TMX2: variants seen among roughly 807,000 people sequenced by gnomAD.
TMX2 encodes the protein thioredoxin-related transmembrane protein 2.
A neutral mutation model predicts 33.4 loss-of-function variants in TMX2; 20 were observed. The observed-to-expected ratio is 0.60, with a 90% CI of 0.42 to 0.87. TMX2 has a LOEUF of 0.87. Ranked by LOEUF, TMX2 falls within the 40% of genes least tolerant of loss-of-function variation. TMX2 has a pLI of 0.00. For missense variants in TMX2, 340 were observed against 370.7 expected, an observed-to-expected ratio of 0.92 and a Z score of 0.68; for synonymous variants, 166 against 140.7, an observed-to-expected ratio of 1.18 and a Z score of -1.27.
intron 1 of TMX2, among the ~76,000 whole-genome samples, chr11:57,724,135 A>G: frequency 6.6e-6 from 1 of 152,152 alleles, no homozygotes; most frequent in Non-Finnish European, 1.5e-5. Context: ...TTTAAATGCT[A>G]CAGAATTTAA....
At chr11:57,733,338 C>T (rs570490469) in intron 1 of TMX2, among the ~76,000 whole-genome samples, 9 of 149,176 alleles carry the variant, frequency 6.0e-5, no homozygotes, top group East Asian at 4.0e-4. Context: ...TCACTGCAAC[C>T]TCCGCCTCTC....
chr11:57,736,760 C>T (rs768334976), intron 1 of TMX2, among the ~76,000 whole-genome samples: 18 of 151,816 alleles, frequency 1.2e-4, no homozygotes, highest in South Asian at 2.1e-4. Flanking sequence ...CAGTAGTGTG[C>T]GCCTGTAGTC....
At chr11:57,736,408 C>T (rs1385732785) in intron 1 of TMX2, among the ~76,000 whole-genome samples, 4 of 151,852 alleles carry the variant, frequency 2.6e-5, no homozygotes, top group Admixed American at 6.6e-5. Context: ...TGTTGGACCC[C>T]ATTCAAAGCC....
chr11:57,738,944 T>C (rs1219610630), intron 5 of TMX2, 30 bp from the exon 6 acceptor site: 2 of 1,604,524 alleles, frequency 1.2e-6, no homozygotes, highest in East Asian at 2.2e-5. Context: ...TTATTTTTTT[T>C]CAGCATATTA....
chr11:57,739,152 C>T lies in TMX2; in HGVS notation c.636C>T (p.Pro212=). The stretch of plus-strand genomic sequence containing the variant: ...GCAGGTACAAAGTGAGCACATCACC[C>T]CTCACCAAGCAACTCCCTACCCTGA... ...VSTRYKVSTS[P]LTKQLPTLIL... is the part of the protein sequence containing the mutation. Residue 212 remains proline (P), a synonymous_variant, in exon 7 of 8, where the codon CCC becomes CCT. Coordinates refer to ENST00000278422, the MANE Select transcript of TMX2 (RefSeq NM_015959.4). 1 of 1,614,124 alleles carries T rather than the reference C, an allele frequency of 6.2e-7. No individual in the cohort carries two copies.
At chr11:57,722,497 A>G (rs897726624) in intron 1 of TMX2, among the ~76,000 whole-genome samples, 1 of 152,216 alleles carries the variant, frequency 6.6e-6, no homozygotes, top group African/African-American at 2.4e-5. Flanking sequence ...GTTTTTGAAA[A>G]CAGGCAAATA....
intron 1 of TMX2, among the ~76,000 whole-genome samples, chr11:57,720,134 C>CA (rs59914635): frequency 0.24 from 30,586 of 127,388 alleles, 4,029 homozygotes; most frequent in Non-Finnish European, 0.32. Context: ...ACTAAAAATA[C>CA]AAAAAAAAAA....
At chr11:57,720,134 C>CAA (rs59914635) in intron 1 of TMX2, among the ~76,000 whole-genome samples, 170 of 128,096 alleles carry the variant, frequency 1.3e-3, no homozygotes, top group South Asian at 2.7e-3. Flanking sequence ...ACTAAAAATA[C>CAA]AAAAAAAAAA....
chr11:57,726,789 TGCTATACCTATGGAG>T (rs1470460792), intron 1 of TMX2, among the ~76,000 whole-genome samples: 3 of 152,250 alleles, frequency 2.0e-5, no homozygotes, highest in African/African-American at 7.2e-5. Context: ...TCCCTCAGGA[TGCTATACCTATGGAG>T]ATAAATTGGC....
chr11:57,727,525 A>G (rs1160199498), intron 1 of TMX2, among the ~76,000 whole-genome samples: 1 of 152,180 alleles, frequency 6.6e-6, no homozygotes, highest in Non-Finnish European at 1.5e-5. Context: ...TAAAAACCAT[A>G]AATTCTCATC....
At chr11:57,716,704 G>A (rs1947102311) in intron 1 of TMX2, among the ~76,000 whole-genome samples, 1 of 147,216 alleles carries the variant, frequency 6.8e-6, no homozygotes, top group South Asian at 2.1e-4. Context: ...CGGCAGGCCG[G>A]GTGGGGGGCT....
At chr11:57,715,950 A>C (rs2135454174) in intron 1 of TMX2, among the ~76,000 whole-genome samples, 1 of 152,338 alleles carries the variant, frequency 6.6e-6, no homozygotes, top group South Asian at 2.1e-4. Flanking sequence ...ATCTTAGTAC[A>C]GAACAAAATG....
chr11:57,725,831 C>A (rs1565222150), intron 1 of TMX2, among the ~76,000 whole-genome samples: 2 of 152,048 alleles, frequency 1.3e-5, no homozygotes, highest in African/African-American at 2.4e-5. Context: ...TGGTTGCCTT[C>A]TAAACTATTA....
intron 7 of TMX2, 83 bp from the exon 8 acceptor site, chr11:57,740,016 T>A (rs1948993764): frequency 1.1e-5 from 17 of 1,591,330 alleles, no homozygotes; most frequent in Non-Finnish European, 1.4e-5. Context: ...TTTCCCAGAC[T>A]TTGTGTAAAA....
intron 7 of TMX2, 78 bp from the exon 8 acceptor site, chr11:57,740,021 G>A: frequency 1.3e-6 from 2 of 1,598,830 alleles, no homozygotes; most frequent in South Asian, 2.2e-5. Context: ...CAGACTTTGT[G>A]TAAAATACCT....
chr11:57,728,803 G>A lies in TMX2; in HGVS notation c.190-8805G>A, dbSNP rs1359716124. ...CTTCCCAGCTGAAAGGTGCCCCTGGGTGACTGGGGGCTTTGTGGGAGTGTC... is the reference window on the plus strand; with the variant it reads ...CTTCCCAGCTGAAAGGTGCCCCTGGATGACTGGGGGCTTTGTGGGAGTGTC... On this transcript the variant is annotated intron_variant, in intron 1 of 7. Transcript: ENST00000278422. 7.9e-5 allele frequency among the ~76,000 whole-genome samples: 12 copies of A among 152,292 alleles called. 1 individual carries two copies. Among genetic ancestry groups the A allele is most frequent in the African/African-American group, 2.9e-4 (12 of 41,558 alleles).
intron 1 of TMX2, among the ~76,000 whole-genome samples, chr11:57,721,612 G>A (rs953314866): frequency 6.6e-6 from 1 of 151,956 alleles, no homozygotes; most frequent in East Asian, 1.9e-4. Context: ...CACTGTGCCT[G>A]GTCTAAAATG....
At chr11:57,715,789 C>G (rs1456986141) in intron 1 of TMX2, among the ~76,000 whole-genome samples, 1 of 151,138 alleles carries the variant, frequency 6.6e-6, no homozygotes, top group Admixed American at 6.6e-5. Flanking sequence ...TGATTCTTAA[C>G]GAGCATGCTG....
At chr11:57,730,576 A>C (rs940876836) in intron 1 of TMX2, among the ~76,000 whole-genome samples, 9 of 151,700 alleles carry the variant, frequency 5.9e-5, no homozygotes, top group Admixed American at 4.6e-4. Context: ...GTCTCTACTA[A>C]AAATACAAAA....
Sources: gnomAD v4.1 joint callset for allele counts (sites outside exome capture counted in the v4.1 genomes callset) on GRCh38, gnomAD v4.1.1 for gene constraint, MANE v1.5 for transcripts, NCBI Gene and HGNC (gene_info 2026-07-23, HGNC 2026-07-21) for gene names.